The following RUNX1T1 variants were observed in gnomAD, a reference collection of about 807,000 sequenced individuals.
RUNX1T1 encodes protein CBFA2T1.
Under a neutral mutation model 62.8 loss-of-function variants are expected in RUNX1T1, and 4 were observed. The observed-to-expected ratio is 0.06, with a 90% CI of 0.03 to 0.15. The LOEUF (loss-of-function observed/expected upper bound fraction) is 0.15, where lower values mean the gene tolerates loss of function less well. Ranked by LOEUF, RUNX1T1 falls within the 10% of genes least tolerant of loss-of-function variation. RUNX1T1 has a pLI of 1.00. For synonymous variants in RUNX1T1, 291 were observed against 286.0 expected (o/e 1.02, Z -0.18); for missense variants, 508 against 754.3 (o/e 0.67, Z 3.82).
intron 1 of RUNX1T1, among the ~76,000 whole-genome samples, chr8:92,081,497 T>C (rs1013653763): frequency 3.3e-5 from 5 of 150,740 alleles, no homozygotes; most frequent in African/African-American, 1.2e-4. Flanking sequence ...TAAAACATTT[T>C]GGTGTGATGA....
At chr8:92,062,432 C>G in intron 1 of RUNX1T1, 1 of 1,189,758 alleles carries the variant, frequency 8.4e-7, no homozygotes, top group Non-Finnish European at 1.3e-6. Context: ...CCAGCCTCTT[C>G]CTGCCCACAT....
intron 1 of RUNX1T1, among the ~76,000 whole-genome samples, chr8:92,083,534 C>T (rs569108766): frequency 6.6e-6 from 1 of 152,254 alleles, no homozygotes; most frequent in African/African-American, 2.4e-5. Context: ...AAATGCAAAT[C>T]AAAACCACAA....
At chr8:92,083,085 G>T (rs987314261) in intron 1 of RUNX1T1, among the ~76,000 whole-genome samples, 22 of 152,172 alleles carry the variant, frequency 1.4e-4, no homozygotes, top group Admixed American at 8.5e-4. Flanking sequence ...ATTTCAAGAA[G>T]CTTATCCTTT....
At chr8:92,025,531 C>A (rs191499866) in intron 1 of RUNX1T1, among the ~76,000 whole-genome samples, 18 of 152,298 alleles carry the variant, frequency 1.2e-4, no homozygotes, top group Admixed American at 1.2e-3. Flanking sequence ...TTAAAACTTC[C>A]TTCAGGTGTC....
At chr8:92,066,347 A>C (rs1185760312), upstream of RUNX1T1, among the ~76,000 whole-genome samples, 1 of 152,232 alleles carries the variant, frequency 6.6e-6, no homozygotes, top group African/African-American at 2.4e-5. Context: ...ACTGGCCACC[A>C]AATGAGGCTG....
chr8:92,074,830 C>T (rs1834184299), intron 2 of RUNX1T1, among the ~76,000 whole-genome samples: 1 of 152,022 alleles, frequency 6.6e-6, no homozygotes, highest in Non-Finnish European at 1.5e-5. Context: ...ATTAAAAGAA[C>T]ATCATCACAG....
intron 1 of RUNX1T1, among the ~76,000 whole-genome samples, chr8:92,024,853 C>T (rs1563784031): frequency 1.3e-5 from 2 of 152,138 alleles, no homozygotes; most frequent in Admixed American, 1.3e-4. Context: ...TTAGTGATTT[C>T]ATTTGTGTTA....
intron 10 of RUNX1T1, among the ~76,000 whole-genome samples, chr8:91,960,843 C>T (rs1208328871): frequency 6.6e-6 from 1 of 152,176 alleles, no homozygotes; most frequent in Non-Finnish European, 1.5e-5. Context: ...TACTGACTAG[C>T]AATTACTATT....
intron 10 of RUNX1T1, among the ~76,000 whole-genome samples, chr8:91,967,516 C>A (rs146148837): frequency 1.5e-3 from 231 of 152,220 alleles, no homozygotes; most frequent in African/African-American, 5.1e-3. Flanking sequence ...CTTTCAGAAC[C>A]ACTGTTTTTT....
At position 91,970,724 on chromosome 8, in the gene RUNX1T1, G is replaced by A. The variant is rs187239022; in HGVS notation, c.1392C>T (p.Ala464=). 1,386 of 1,613,642 alleles carry A rather than the reference G, an allele frequency of 8.6e-4. No individual in the cohort carries two copies. The highest frequency in any genetic ancestry group is 1.1e-3 in the Non-Finnish European group (1,267 of 1,179,894). The change falls in exon 10 of 11, where the codon GCC becomes GCT. Residue 464 remains alanine (A), a synonymous_variant. Coordinates refer to ENST00000396218, the Ensembl canonical transcript of RUNX1T1. ...CCTCCGCCGCCTGCCGTTTGGCCTC[G>A]GCGACCGTGCGCTCCATCTTGGCCC...
chr8:91,958,732 A>C (rs1197654872), downstream of RUNX1T1: 1 of 120,718 alleles, frequency 8.3e-6, no homozygotes, highest in Non-Finnish European at 1.5e-5. Context: ...TTTGCTCAAA[A>C]AAAAAAAAAA....
At chr8:91,974,126 C>T (rs1273603628) in intron 9 of RUNX1T1, among the ~76,000 whole-genome samples, 1 of 151,960 alleles carries the variant, frequency 6.6e-6, no homozygotes, top group Non-Finnish European at 1.5e-5. Context: ...GGTTTAAAAA[C>T]CCCCAAAACA....
chr8:92,041,266 TAAC>T (rs1226066001), intron 1 of RUNX1T1, among the ~76,000 whole-genome samples: 1 of 152,210 alleles, frequency 6.6e-6, no homozygotes, highest in Admixed American at 6.5e-5. Context: ...GCTCCGGGTT[TAAC>T]TACTATACTA....
At chr8:91,977,737 T>C (rs80180813) in intron 8 of RUNX1T1, among the ~76,000 whole-genome samples, 8,599 of 152,314 alleles carry the variant, frequency 0.056, 813 homozygotes, top group African/African-American at 0.2. Flanking sequence ...GTAGCAATTT[T>C]TTTTTCATTT....
intron 8 of RUNX1T1, among the ~76,000 whole-genome samples, chr8:91,976,949 G>A (rs1186579602): frequency 6.6e-6 from 1 of 152,140 alleles, no homozygotes; most frequent in African/African-American, 2.4e-5. Context: ...TTTTCTCTAT[G>A]TGTACAGTAA....
At chr8:92,008,412 A>T (rs1291891734) in intron 4 of RUNX1T1, among the ~76,000 whole-genome samples, 2 of 151,370 alleles carry the variant, frequency 1.3e-5, no homozygotes, top group Non-Finnish European at 2.9e-5. Flanking sequence ...ACACACACAC[A>T]CACACACACA....
intron 1 of RUNX1T1, among the ~76,000 whole-genome samples, chr8:92,023,828 A>T (rs1446518089): frequency 6.6e-6 from 1 of 152,178 alleles, no homozygotes; most frequent in African/African-American, 2.4e-5. Flanking sequence ...TCTTTCATGA[A>T]CTTGTACCCA....
chr8:92,078,625 C>A (rs1472315014), intron 1 of RUNX1T1, among the ~76,000 whole-genome samples: 1 of 152,114 alleles, frequency 6.6e-6, no homozygotes, highest in Non-Finnish European at 1.5e-5. Flanking sequence ...ACAAATATTA[C>A]TTTTTCTCAA....
chr8:92,062,605 G>A lies in RUNX1T1; in HGVS notation c.-53C>T, dbSNP rs373810753. ...GTGGCTGTCTCCTAAAAGCAAGCGC[G>A]TTCCGGGCTCATGCCTCCTGTTCTG... On this transcript the variant is annotated 5_prime_UTR_variant, in exon 1 of 11. Coordinates refer to ENST00000396218, the Ensembl canonical transcript of RUNX1T1. 44 of 1,613,956 alleles carry A rather than the reference G, an allele frequency of 2.7e-5. No individual in the cohort carries two copies. The African/African-American group carries it at 3.7e-4, about 14-fold the overall frequency.
Sources: gnomAD v4.1 joint callset for allele counts (sites outside exome capture counted in the v4.1 genomes callset) on GRCh38, gnomAD v4.1.1 for gene constraint, MANE v1.5 for transcripts, NCBI Gene and HGNC (gene_info 2026-07-23, HGNC 2026-07-21) for gene names.